The following ADORA2B variants were observed in gnomAD, a reference collection of about 807,000 sequenced individuals.
ADORA2B encodes the protein adenosine receptor A2b.
A neutral mutation model predicts 20.8 loss-of-function variants in ADORA2B; 18 were observed. The observed-to-expected ratio is 0.87, with a 90% CI of 0.60 to 1.29. The LOEUF is 1.29. ADORA2B is among the 50% of genes most tolerant of loss of function. ADORA2B has a pLI of 0.00. For missense variants in ADORA2B, 441 were observed against 422.7 expected (o/e 1.04, Z -0.38); for synonymous variants, 179 against 178.3 (o/e 1.00, Z -0.03).
At chr17:15,912,212 C>G in the ADORA2B span, among the ~76,000 whole-genome samples, 1 of 92,684 alleles carries the variant, frequency 1.1e-5, no homozygotes, top group Non-Finnish European at 2.6e-5. Context: ...AAGACTCTGT[C>G]TCAAAAAAAA....
In ADORA2B at chr17:15,965,143, A is replaced by G. The variant is rs577291926; in HGVS notation, c.336-9536A>G. Among the ~76,000 whole-genome samples the G allele has an allele frequency of 2.0e-5, 3 of 152,340 alleles. No individual in the cohort carries two copies. The South Asian group carries it at 6.2e-4, about 32-fold the overall frequency. ...GGCTGCTCAGAAGCTCGTCATAACAATATCCCCTCTTATATAGATAGCCTC... is the reference window on the plus strand; with the variant it reads ...GGCTGCTCAGAAGCTCGTCATAACAGTATCCCCTCTTATATAGATAGCCTC... On this transcript the variant is annotated intron_variant, in intron 1 of 1. Transcript: ENST00000304222.
the ADORA2B span, among the ~76,000 whole-genome samples, chr17:15,888,851 T>TATATATATATA: frequency 4.3e-4 from 3 of 6,954 alleles, no homozygotes; most frequent in African/African-American, 1.1e-3. Flanking sequence ...TATATATATA[T>TATATATATATA]TTTTTTTTTT....
chr17:15,894,927 G>T, the ADORA2B span, among the ~76,000 whole-genome samples: 2 of 152,188 alleles, frequency 1.3e-5, no homozygotes, highest in African/African-American at 4.8e-5. Context: ...TGGGGATAGT[G>T]GGGAGGGGAG....
chr17:15,923,592 G>T, the ADORA2B span, among the ~76,000 whole-genome samples: 1 of 151,582 alleles, frequency 6.6e-6, no homozygotes, highest in Non-Finnish European at 1.5e-5. Context: ...ATTTTTAGTA[G>T]AGACAGGCTT....
the ADORA2B span, among the ~76,000 whole-genome samples, chr17:15,901,175 C>T: frequency 7.9e-5 from 12 of 152,182 alleles, no homozygotes; most frequent in South Asian, 2.3e-3. Flanking sequence ...ACTGAAATAG[C>T]TAATTTGAGG....
the ADORA2B span, among the ~76,000 whole-genome samples, chr17:15,885,928 C>G: frequency 6.6e-6 from 1 of 152,180 alleles, no homozygotes; most frequent in African/African-American, 2.4e-5. Context: ...TGGTTTGTTA[C>G]TCTTTAGAGC....
At chr17:15,956,325 T>TGGGAGG (rs1349596906) in intron 1 of ADORA2B, among the ~76,000 whole-genome samples, 2 of 152,100 alleles carry the variant, frequency 1.3e-5, no homozygotes, top group African/African-American at 4.8e-5. Flanking sequence ...GGGGAGAGTG[T>TGGGAGG]GGGAGGGGGA....
intron 1 of ADORA2B, 77 bp downstream of exon 1, chr17:15,945,660 C>G: frequency 7.3e-7 from 1 of 1,362,824 alleles, no homozygotes; most frequent in Non-Finnish European, 9.7e-7. Flanking sequence ...GGCCGGGGTT[C>G]CTCCCTCGGG....
chr17:15,929,649 C>T, the ADORA2B span, among the ~76,000 whole-genome samples: 1 of 152,222 alleles, frequency 6.6e-6, no homozygotes, highest in African/African-American at 2.4e-5. Flanking sequence ...ATAAACAAAA[C>T]ATGATTCATT....
chr17:15,904,802 CA>C, the ADORA2B span, among the ~76,000 whole-genome samples: 12 of 152,178 alleles, frequency 7.9e-5, no homozygotes, highest in East Asian at 1.7e-3. Context: ...ATTTCAACAC[CA>C]TTTGTTAGAG....
chr17:15,947,443 T>TG (rs768269840), intron 1 of ADORA2B, among the ~76,000 whole-genome samples: 1 of 152,136 alleles, frequency 6.6e-6, no homozygotes, highest in Non-Finnish European at 1.5e-5. Flanking sequence ...GGTGAGGTCT[T>TG]GAAAAAAATG....
At chr17:15,882,985 A>G in the ADORA2B span, among the ~76,000 whole-genome samples, 1 of 152,034 alleles carries the variant, frequency 6.6e-6, no homozygotes, top group Non-Finnish European at 1.5e-5. Context: ...ATGTGAGCCT[A>G]TTTAGATAAT....
intron 1 of ADORA2B, among the ~76,000 whole-genome samples, chr17:15,947,655 A>AC (rs1969826464): frequency 6.6e-6 from 1 of 152,078 alleles, no homozygotes; most frequent in Non-Finnish European, 1.5e-5. Context: ...CCACAGCACC[A>AC]CCCCAACCCT....
chr17:15,920,436 T>G, the ADORA2B span, among the ~76,000 whole-genome samples: 2 of 152,138 alleles, frequency 1.3e-5, no homozygotes, highest in Non-Finnish European at 2.9e-5. Flanking sequence ...AAGTGACTAC[T>G]TTCAGGCCAG....
At chr17:15,968,042 C>T (rs1970143078) in intron 1 of ADORA2B, among the ~76,000 whole-genome samples, 1 of 152,140 alleles carries the variant, frequency 6.6e-6, no homozygotes, top group Non-Finnish European at 1.5e-5. Flanking sequence ...CACAATCAAA[C>T]AAGGTAGATC....
At chr17:15,870,501 T>C in the ADORA2B span, among the ~76,000 whole-genome samples, 1 of 151,864 alleles carries the variant, frequency 6.6e-6, no homozygotes, top group Admixed American at 6.6e-5. Context: ...TAGTCCCAGC[T>C]ACTTGGAAGG....
chr17:15,892,891 G>A, the ADORA2B span, among the ~76,000 whole-genome samples: 2 of 152,148 alleles, frequency 1.3e-5, no homozygotes, highest in Non-Finnish European at 2.9e-5. Flanking sequence ...GGCAAGGCAA[G>A]TAACCAGGCA....
the ADORA2B span, among the ~76,000 whole-genome samples, chr17:15,888,223 A>G: frequency 7.7e-6 from 1 of 129,148 alleles, no homozygotes. Context: ...GCTGTAGAGC[A>G]GACCACCCTG....
chr17:15,958,847 T>G (rs1210757742), intron 1 of ADORA2B, among the ~76,000 whole-genome samples: 2 of 152,242 alleles, frequency 1.3e-5, no homozygotes, highest in African/African-American at 4.8e-5. Context: ...ATTTGTAATT[T>G]GTTTAAGGTT....
Sources: allele counts gnomAD v4.1 joint callset (sites outside exome capture counted in the v4.1 genomes callset), GRCh38; gene constraint gnomAD v4.1.1; transcripts MANE v1.5; gene names NCBI Gene and HGNC (gene_info 2026-07-23, HGNC 2026-07-21).